The following ZNF516 variants were observed in gnomAD, a reference collection of about 807,000 sequenced individuals.
The protein encoded by ZNF516 is zinc finger protein 516.
A neutral mutation model predicts 79.7 loss-of-function variants in ZNF516; 19 were observed. The ratio of observed to expected loss-of-function variants is 0.24; its 90% confidence interval spans 0.17 to 0.35. ZNF516 has a LOEUF of 0.35. Among genes scored for constraint, ZNF516 ranks in the 10% least tolerant of loss-of-function variants. The pLI is 1.00. For missense variants in ZNF516, 1,678 were observed against 1,679.5 expected (o/e 1.00, Z 0.02); for synonymous variants, 877 against 739.5 (o/e 1.19, Z -3.02).
At position 76,453,503 on chromosome 18, in the gene ZNF516, A is replaced by G. The variant is rs563136812; in HGVS notation, c.-158+9525T>C. 2.0e-5 allele frequency among the ~76,000 whole-genome samples: 3 copies of G among 152,372 alleles called. No individual in the cohort carries two copies. The South Asian group carries it at 6.2e-4, about 32-fold the overall frequency. On this transcript the variant is annotated intron_variant, in intron 2 of 6. Coordinates refer to ENST00000443185, the MANE Select transcript of ZNF516 (RefSeq NM_014643.4). Reference sequence around the variant, plus strand: ...ACAATAGTTAAAGCTAAAGTTGCGCATAACTCAGAAACACTGAAAACCTAG... The same window carrying G: ...ACAATAGTTAAAGCTAAAGTTGCGCGTAACTCAGAAACACTGAAAACCTAG...
upstream of ZNF516, chr18:76,495,692 G>A (rs778215427): frequency 4.2e-6 from 5 of 1,198,802 alleles, no homozygotes; most frequent in Non-Finnish European, 4.2e-6. Context: ...GCATCCATAC[G>A]TACAGACGTG....
chr18:76,414,495 T>G (rs1223376409), intron 3 of ZNF516, among the ~76,000 whole-genome samples: 1 of 152,258 alleles, frequency 6.6e-6, no homozygotes, highest in African/African-American at 2.4e-5. Context: ...TACACAGTTT[T>G]CGTGTCTCTG....
In ZNF516 at chr18:76,370,512, T is replaced by A; in HGVS notation, c.3432+16A>T. ...CCGCATCGAAACCCAGACATCCAAT[T>A]CATCATGAGACCTACTTGTTTGGGG... On this transcript the variant is annotated intron_variant, in intron 6 of 6. Coordinates refer to ENST00000443185, the MANE Select transcript of ZNF516 (RefSeq NM_014643.4). 1 of 1,593,742 alleles carries A rather than the reference T, an allele frequency of 6.3e-7. No homozygotes were observed. The highest frequency in any genetic ancestry group is 8.6e-7 in the Non-Finnish European group (1 of 1,168,956).
chr18:76,491,037 C>T (rs1915153017), intron 1 of ZNF516: 1 of 985,342 alleles, frequency 1.0e-6, no homozygotes, highest in Non-Finnish European at 1.2e-6. Flanking sequence ...ACCCCAAATC[C>T]GCTCGCGGGC....
At chr18:76,469,285 T>C (rs1913684300) in intron 1 of ZNF516, among the ~76,000 whole-genome samples, 1 of 152,188 alleles carries the variant, frequency 6.6e-6, no homozygotes, top group African/African-American at 2.4e-5. Context: ...TATTAAGGAT[T>C]TGCAGTCCTA....
At chr18:76,420,407 A>G (rs1377138725) in intron 3 of ZNF516, among the ~76,000 whole-genome samples, 2 of 152,184 alleles carry the variant, frequency 1.3e-5, no homozygotes, top group East Asian at 1.9e-4. Flanking sequence ...TCATCTTACC[A>G]TACACTGAAT....
At chr18:76,395,741 G>A (rs1400600595) in intron 3 of ZNF516, among the ~76,000 whole-genome samples, 1 of 151,816 alleles carries the variant, frequency 6.6e-6, no homozygotes, top group Non-Finnish European at 1.5e-5. Context: ...GCACCAGCAC[G>A]TGCCGAGGAA....
chr18:76,370,307 T>C (rs948666976), intron 6 of ZNF516, among the ~76,000 whole-genome samples: 1 of 152,108 alleles, frequency 6.6e-6, no homozygotes, highest in Non-Finnish European at 1.5e-5. Flanking sequence ...CAACCAGCTG[T>C]GTGCACCTAG....
chr18:76,467,770 T>G lies in ZNF516; in HGVS notation c.-271-4629A>C, dbSNP rs1355714621. ...TGCATTTGCAGGCATGTTCAAACTGTAAGCCCGTTCGATTCCTGAGTTATT... is the reference window on the plus strand; with the variant it reads ...TGCATTTGCAGGCATGTTCAAACTGGAAGCCCGTTCGATTCCTGAGTTATT... On this transcript the variant is annotated intron_variant, in intron 1 of 6. Transcript: ENST00000443185. This position sits in a 1 kb window ranked among gnomAD's most constrained non-coding sequence, Gnocchi z 4.2. Among the ~76,000 whole-genome samples, 1 of 152,246 alleles carries G rather than the reference T, an allele frequency of 6.6e-6. No individual in the cohort carries two copies. The highest frequency in any genetic ancestry group is 6.5e-5 in the Admixed American group (1 of 15,282).
In ZNF516 at chr18:76,372,467, A is replaced by C. The variant is rs536210856; in HGVS notation, c.3260-896T>G. Among the ~76,000 whole-genome samples the C allele has an allele frequency of 9.2e-5, 14 of 152,372 alleles. 1 individual carries two copies. The East Asian group carries it at 2.7e-3, about 29-fold the overall frequency. On this transcript the variant is annotated intron_variant, in intron 4 of 6. Coordinates refer to ENST00000443185, the MANE Select transcript of ZNF516 (RefSeq NM_014643.4). ...ACAGAAATAATAACTAGAAAAAGTT[A>C]CACCTGTTGCAGTAATTTTTTAAAA...
At chr18:76,375,604 ACCAGGTCTCCTG>A (rs1465268936) in intron 4 of ZNF516, among the ~76,000 whole-genome samples, 1 of 107,558 alleles carries the variant, frequency 9.3e-6, no homozygotes, top group Non-Finnish European at 2.3e-5. Flanking sequence ...GGTCCTGGGG[ACCAGGTCTCCTG>A]TCCTGGGAGA....
rs181402675 is a variant in ZNF516 at position 76,434,152 on chromosome 18, G to A, written c.1810+7093C>T. ...TGGTCCATGAGATGCCCTATCTCAC[G>A]GGAACGGGGTGCAAGAACCAAATTC... On this transcript the variant is annotated intron_variant, in intron 3 of 6. Transcript: ENST00000443185. Among the ~76,000 whole-genome samples the A allele has an allele frequency of 2.2e-4, 34 of 152,266 alleles. No homozygotes were observed. The East Asian group carries it at 3.7e-3, about 16-fold the overall frequency.
chr18:76,437,444 T>C (rs1400465030), intron 3 of ZNF516, among the ~76,000 whole-genome samples: 1 of 29,188 alleles, frequency 3.4e-5, no homozygotes, highest in Non-Finnish European at 8.4e-5. Flanking sequence ...CTTGACCATA[T>C]TTTTTTTTTC....
intron 3 of ZNF516, among the ~76,000 whole-genome samples, chr18:76,427,054 A>G (rs2075603716): frequency 6.6e-6 from 1 of 152,238 alleles, no homozygotes; most frequent in South Asian, 2.1e-4. Context: ...GGTGAGGATC[A>G]GGGTGGAGAC....
chr18:76,406,354 A>G (rs2075304628), intron 3 of ZNF516, among the ~76,000 whole-genome samples: 1 of 152,214 alleles, frequency 6.6e-6, no homozygotes. Flanking sequence ...TCACGAGATC[A>G]GGAGTTCAAG....
At chr18:76,387,951 T>A (rs1291209462) in intron 3 of ZNF516, 1 of 152,130 alleles carries the variant, frequency 6.6e-6, no homozygotes, top group East Asian at 1.9e-4. Context: ...AACCCCAGGC[T>A]CCAAGAGCAG....
Position 76,360,943 on chromosome 18 carries a change from A to G in ZNF516, c.*1555T>C, listed in dbSNP as rs2074529116. On this transcript the variant is annotated 3_prime_UTR_variant, in exon 7 of 7. Transcript: ENST00000443185. ...TGTATCAGAAGCCCACTGTCTACAA[A>G]AACTGCACTAGTCCATTACCGTATT... The G allele has an allele frequency of 6.6e-6, 1 of 151,828 alleles. No individual in the cohort carries two copies. Among genetic ancestry groups the G allele is most frequent in the Admixed American group, 6.6e-5 (1 of 15,234 alleles). The allele number at this position is 151,828 out of a possible 1,614,324, so 9.4% of individuals were successfully genotyped here.
chr18:76,389,945 C>T (rs956232125), intron 3 of ZNF516, among the ~76,000 whole-genome samples: 6 of 152,156 alleles, frequency 3.9e-5, no homozygotes, highest in Admixed American at 2.0e-4. Context: ...GTGGGCAGCA[C>T]GCAGTTTTAT....
chr18:76,378,711 C>G (rs1351403345), intron 4 of ZNF516, 144 bp downstream of exon 4: 2 of 1,240,496 alleles, frequency 1.6e-6, no homozygotes, highest in Non-Finnish European at 2.2e-6. Flanking sequence ...GGCAAGGGAG[C>G]AGCTCTCAGC....
Sources: allele counts gnomAD v4.1 joint callset (sites outside exome capture counted in the v4.1 genomes callset), GRCh38; gene constraint gnomAD v4.1.1; non-coding constraint Gnocchi (gnomAD v3.1); transcripts MANE v1.5; gene names NCBI Gene and HGNC (gene_info 2026-07-23, HGNC 2026-07-21).